Variants in NEBL observed in about 807,000 individuals in gnomAD.
The protein encoded by NEBL is LIM and SH3 protein 2.
Under a neutral mutation model 140.2 loss-of-function variants are expected in NEBL, and 122 were observed. The observed-to-expected ratio is 0.87, with a 90% CI of 0.75 to 1.01. NEBL has a LOEUF of 1.01. NEBL is among the 50% of genes least tolerant of loss of function. The pLI is 0.00. For synonymous variants in NEBL, 436 were observed against 398.9 expected (o/e 1.09, Z -1.11); for missense variants, 1,365 against 1,231.3 (o/e 1.11, Z -1.62).
intron 2 of NEBL, among the ~76,000 whole-genome samples, chr10:21,069,325 T>C (rs1002694730): frequency 6.6e-6 from 1 of 152,228 alleles, no homozygotes; most frequent in Non-Finnish European, 1.5e-5. Context: ...GGGCCGTTTA[T>C]GGCAGGCACA....
chr10:20,996,298 T>A (rs1031751083), intron 3 of NEBL, among the ~76,000 whole-genome samples: 6 of 152,302 alleles, frequency 3.9e-5, no homozygotes, highest in Middle Eastern at 3.4e-3. Context: ...TCCAGAATGC[T>A]TTTTTACTTG....
intron 3 of NEBL, among the ~76,000 whole-genome samples, chr10:21,207,700 C>T (rs1191542136): frequency 1.3e-5 from 2 of 152,048 alleles, no homozygotes. Context: ...TCCCTGGCTC[C>T]CTCCTTACAG....
At chr10:21,086,721 G>C (rs1242062982) in intron 2 of NEBL, among the ~76,000 whole-genome samples, 1 of 152,180 alleles carries the variant, frequency 6.6e-6, no homozygotes, top group East Asian at 1.9e-4. Flanking sequence ...AGGTTGCAGT[G>C]AGCCATGATC....
At chr10:21,258,913 C>G (rs1392209441) in intron 1 of NEBL, among the ~76,000 whole-genome samples, 2 of 151,942 alleles carry the variant, frequency 1.3e-5, no homozygotes, top group African/African-American at 2.4e-5. Context: ...AGGCAATGTT[C>G]TAGGTACTTT....
chr10:21,146,183 T>C (rs1218628873), intron 2 of NEBL, among the ~76,000 whole-genome samples: 1 of 152,242 alleles, frequency 6.6e-6, no homozygotes, highest in Admixed American at 6.5e-5. Flanking sequence ...CTGCTTAATC[T>C]AGGTCAGTGA....
intron 2 of NEBL, among the ~76,000 whole-genome samples, chr10:21,153,796 G>A (rs1840234820): frequency 6.6e-6 from 1 of 152,128 alleles, no homozygotes; most frequent in Non-Finnish European, 1.5e-5. Flanking sequence ...TTACAGGCGT[G>A]AGCCACCGTG....
intron 1 of NEBL, among the ~76,000 whole-genome samples, chr10:21,286,785 G>A (rs1482074301): frequency 6.6e-6 from 1 of 152,030 alleles, no homozygotes; most frequent in Non-Finnish European, 1.5e-5. Flanking sequence ...GTTGCAGTGA[G>A]CCGAGATGGC....
rs563879823 is a variant in NEBL, at chr10:21,288,544, C to T, written n.182+4286G>A. On this transcript the variant is annotated intron_variant and non_coding_transcript_variant, in intron 1 of 8. Coordinates refer to the NEBL transcript ENST00000675702. ...TTGGAAGGCTAAGGCGGGTGGATCA[C>T]GAAGTCAGGAGTTCAGGACCAGCCT... 9.2e-5 allele frequency among the ~76,000 whole-genome samples: 14 copies of T among 151,404 alleles called. No individual in the cohort carries two copies. In the South Asian group the frequency reaches 1.5e-3, roughly 16 times the overall value.
intron 2 of NEBL, among the ~76,000 whole-genome samples, chr10:21,156,209 C>T (rs1233927560): frequency 1.3e-5 from 2 of 152,178 alleles, no homozygotes; most frequent in Non-Finnish European, 2.9e-5. Flanking sequence ...TAGCTTTGCC[C>T]TTTCTTTAAA....
At chr10:20,995,278 G>C (rs1334834229) in intron 3 of NEBL, among the ~76,000 whole-genome samples, 1 of 152,198 alleles carries the variant, frequency 6.6e-6, no homozygotes, top group Non-Finnish European at 1.5e-5. Context: ...ATAAAAAAAT[G>C]ATGTTTCCAG....
rs1214271156 is a variant in NEBL at position 20,835,543 on chromosome 10, A to T, written c.1419T>A (p.His473Gln). ...TCGCTATCTCTGCAGCCTTCTTGGC[A>T]TGCTGCATTTCAAGGGTGTCAGTGC... ...QAGTDTLEMQ[H>Q]AKKAAEIASE... The change falls in exon 14 of 28, where the codon CAT (histidine) becomes CAA (glutamine). Residue 473 changes from histidine to glutamine, a missense_variant. By Grantham distance (24) the His-to-Gln change is conservative (BLOSUM62 0). Transcript: ENST00000377122. The T allele has an allele frequency of 1.9e-6, 3 of 1,612,468 alleles. No individual in the cohort carries two copies. In the African/African-American group the frequency reaches 4.0e-5, roughly 22 times the overall value.
intron 2 of NEBL, among the ~76,000 whole-genome samples, chr10:21,056,791 G>A (rs935746938): frequency 1.3e-5 from 2 of 152,140 alleles, no homozygotes; most frequent in Non-Finnish European, 2.9e-5. Context: ...TCGTCCACAT[G>A]CAGATTAACT....
At chr10:20,872,283 G>C (rs1845024987) in intron 5 of NEBL, among the ~76,000 whole-genome samples, 1 of 152,072 alleles carries the variant, frequency 6.6e-6, no homozygotes, top group African/African-American at 2.4e-5. Flanking sequence ...TATTAAGATT[G>C]ACATGAACTG....
intron 18 of NEBL, among the ~76,000 whole-genome samples, chr10:20,825,488 C>G (rs923160789): frequency 6.6e-6 from 1 of 151,952 alleles, no homozygotes; most frequent in Non-Finnish European, 1.5e-5. Context: ...GAAACCCCAT[C>G]TCTACTAAAA....
intron 4 of NEBL, among the ~76,000 whole-genome samples, chr10:20,950,210 C>T (rs1188512642): frequency 1.3e-5 from 2 of 152,208 alleles, no homozygotes; most frequent in African/African-American, 4.8e-5. Flanking sequence ...AATCCCACCT[C>T]CTAGCAATGT....
chr10:21,087,737 C>G (rs912990714), intron 2 of NEBL, among the ~76,000 whole-genome samples: 35 of 152,172 alleles, frequency 2.3e-4, no homozygotes, highest in Middle Eastern at 3.2e-3. Context: ...CATGATTTCT[C>G]CACCCTAGTT....
chr10:21,137,364 T>A (rs1255783098), intron 2 of NEBL, among the ~76,000 whole-genome samples: 3 of 152,220 alleles, frequency 2.0e-5, no homozygotes, highest in Admixed American at 2.0e-4. Context: ...TATTCTTGCA[T>A]GCTTAGTCTT....
chr10:20,906,737 T>C lies in NEBL; in HGVS notation c.357+54935A>G, dbSNP rs189728748. Among the ~76,000 whole-genome samples the C allele has an allele frequency of 1.5e-3, 227 of 152,236 alleles. 1 individual carries two copies. The highest frequency in any genetic ancestry group is 5.2e-3 in the African/African-American group (217 of 41,554). On this transcript the variant is annotated intron_variant, in intron 4 of 6. Coordinates refer to the NEBL transcript ENST00000417816. ...ATGGACATGAATGAATTATAACAAATATAATTCAACAAATTTTACTTGTTA... is the reference window on the plus strand; with the variant it reads ...ATGGACATGAATGAATTATAACAAACATAATTCAACAAATTTTACTTGTTA...
rs114448763 is a variant in NEBL at position 21,048,717 on chromosome 10, C to T, written c.165-28516G>A. On this transcript the variant is annotated intron_variant, in intron 2 of 6. Coordinates refer to the NEBL transcript ENST00000417816. Reference sequence around the variant, plus strand: ...CAAATTCGAGTCTAAAGGTCTAGGCCGGGCACAGAGGCTCATGCTTGTAAT... The same window carrying T: ...CAAATTCGAGTCTAAAGGTCTAGGCTGGGCACAGAGGCTCATGCTTGTAAT... 5.5e-3 allele frequency among the ~76,000 whole-genome samples: 831 copies of T among 152,148 alleles called. 6 individuals are homozygous for T. The highest frequency in any genetic ancestry group is 0.016 in the African/African-American group (650 of 41,488).
Sources: gnomAD v4.1 joint callset for allele counts (sites outside exome capture counted in the v4.1 genomes callset) on GRCh38, gnomAD v4.1.1 for gene constraint, MANE v1.5 for transcripts, NCBI Gene and HGNC (gene_info 2026-07-23, HGNC 2026-07-21) for gene names.